The following USH2A variants were observed in gnomAD, a reference collection of about 807,000 sequenced individuals.
The protein encoded by USH2A is Usher syndrome 2A (autosomal recessive, mild).
A neutral mutation model predicts 538.9 loss-of-function variants in USH2A; 443 were observed. The observed-to-expected ratio is 0.82, with a 90% CI of 0.76 to 0.89. The LOEUF is 0.89. Ranked by LOEUF, USH2A falls within the 40% of genes least tolerant of loss-of-function variation. The pLI is 0.00. For synonymous variants in USH2A, 2,413 were observed against 2,273.5 expected (o/e 1.06, Z -1.75); for missense variants, 6,633 against 6,324.8 (o/e 1.05, Z -1.65).
At chr1:216,349,606 G>A (rs1003452071) in intron 4 of USH2A, among the ~76,000 whole-genome samples, 5 of 152,168 alleles carry the variant, frequency 3.3e-5, no homozygotes, top group Admixed American at 3.3e-4. Flanking sequence ...TACCATGACA[G>A]TTTACAAATG....
chr1:216,096,730 C>A (rs1229062171), intron 22 of USH2A, among the ~76,000 whole-genome samples: 1 of 151,904 alleles, frequency 6.6e-6, no homozygotes, highest in Non-Finnish European at 1.5e-5. Flanking sequence ...AAAAGAAAGA[C>A]AGGGAAGGAA....
intron 60 of USH2A, among the ~76,000 whole-genome samples, chr1:215,740,091 A>AG (rs1171887146): frequency 6.6e-6 from 1 of 152,182 alleles, no homozygotes; most frequent in African/African-American, 2.4e-5. Flanking sequence ...GCAAGCCATC[A>AG]GTTGACAGGT....
At chr1:216,169,317 G>A (rs1233319564) in intron 21 of USH2A, among the ~76,000 whole-genome samples, 1 of 151,980 alleles carries the variant, frequency 6.6e-6, no homozygotes, top group Non-Finnish European at 1.5e-5. Context: ...CAGCTTACCA[G>A]TTACCTAACA....
chr1:215,777,829 T>A (rs916439248), intron 55 of USH2A, among the ~76,000 whole-genome samples: 16 of 152,202 alleles, frequency 1.1e-4, no homozygotes, highest in African/African-American at 3.4e-4. Context: ...CTTCTTCATC[T>A]TTCAGATATG....
At chr1:215,843,729 TAA>T (rs1426887728) in intron 46 of USH2A, among the ~76,000 whole-genome samples, 1 of 152,184 alleles carries the variant, frequency 6.6e-6, no homozygotes, top group African/African-American at 2.4e-5. Flanking sequence ...CACCTTCAGA[TAA>T]AACCTTTTAA....
At chr1:216,072,530 T>C (rs1453188881) in intron 29 of USH2A, 1 of 338,742 alleles carries the variant, frequency 3.0e-6, no homozygotes, top group Non-Finnish European at 5.7e-6. Context: ...CCAAGGATAA[T>C]CCTAATCCCT....
intron 19 of USH2A, 88 bp downstream of exon 19, chr1:216,196,465 T>C: frequency 6.8e-7 from 1 of 1,476,024 alleles, no homozygotes; most frequent in Non-Finnish European, 9.4e-7. Context: ...AGAGGGAGAA[T>C]TCTGTCACAG....
chr1:215,926,689 C>T (rs1445473929), intron 38 of USH2A, among the ~76,000 whole-genome samples: 1 of 126,046 alleles, frequency 7.9e-6, no homozygotes, highest in South Asian at 2.6e-4. Flanking sequence ...ACAATCTTGG[C>T]TCTCTGTAAC....
chr1:216,061,835 C>G (rs994381502), intron 30 of USH2A, among the ~76,000 whole-genome samples: 1 of 152,112 alleles, frequency 6.6e-6, no homozygotes, highest in Non-Finnish European at 1.5e-5. Flanking sequence ...AGCAAAATGC[C>G]AGCAAGCTCT....
chr1:215,886,641 G>A (rs1345771249), intron 41 of USH2A: 6 of 152,166 alleles, frequency 3.9e-5, no homozygotes, highest in Admixed American at 2.6e-4. Context: ...TGTGGCCTCA[G>A]GTGAGTGCCT....
chr1:216,298,281 G>T (rs2037144281), intron 9 of USH2A, among the ~76,000 whole-genome samples: 1 of 152,170 alleles, frequency 6.6e-6, no homozygotes, highest in Admixed American at 6.5e-5. Flanking sequence ...TTGGTATATT[G>T]CCTACATGAG....
At chr1:216,195,859 C>G (rs2034829512) in intron 19 of USH2A, 1 of 167,136 alleles carries the variant, frequency 6.0e-6, no homozygotes, top group Non-Finnish European at 1.5e-5. Flanking sequence ...GTAAAATGGG[C>G]AGAGAGGTAT....
chr1:215,653,017 A>G (rs995818032), intron 64 of USH2A, among the ~76,000 whole-genome samples: 3 of 152,216 alleles, frequency 2.0e-5, no homozygotes, highest in Non-Finnish European at 4.4e-5. Context: ...TTGAAAGAAA[A>G]TGAGATGAAA....
At position 216,297,014 on chromosome 1, in the gene USH2A, T is replaced by G. The variant is rs538316902; in HGVS notation, c.1645-4644A>C. On this transcript the variant is annotated intron_variant, in intron 9 of 71. Coordinates refer to ENST00000307340, the MANE Select transcript of USH2A (RefSeq NM_206933.4). ...TGAGTATACTCTCATCAAATGAGAG[T>G]ATACTCTGGTTACTATATTAAACAT... Among the ~76,000 whole-genome samples, 9 of 151,734 alleles carry G rather than the reference T, an allele frequency of 5.9e-5. No individual in the cohort carries two copies. In the South Asian group the frequency reaches 1.9e-3, roughly 32 times the overall value.
intron 38 of USH2A, among the ~76,000 whole-genome samples, chr1:215,913,569 T>C (rs1665867824): frequency 6.6e-6 from 1 of 152,054 alleles, no homozygotes; most frequent in African/African-American, 2.4e-5. Flanking sequence ...ACGAAGGAGA[T>C]GGGGAATCAC....
At chr1:216,135,876 T>C (rs1006130337) in intron 21 of USH2A, among the ~76,000 whole-genome samples, 10 of 152,132 alleles carry the variant, frequency 6.6e-5, no homozygotes, top group Admixed American at 6.6e-4. Flanking sequence ...ATTGATTTGC[T>C]TGGATATTGA....
chr1:216,376,081 A>G (rs2038813784), intron 3 of USH2A, among the ~76,000 whole-genome samples: 1 of 152,170 alleles, frequency 6.6e-6, no homozygotes, highest in Non-Finnish European at 1.5e-5. Context: ...TAATGATTGG[A>G]AAAAAATTTA....
chr1:216,230,816 G>T (rs2035661339), intron 14 of USH2A, among the ~76,000 whole-genome samples: 1 of 151,058 alleles, frequency 6.6e-6, no homozygotes, highest in African/African-American at 2.4e-5. Flanking sequence ...AGCTTCTCAG[G>T]GATAGGAGCT....
chr1:216,145,878 C>A (rs975928317), intron 21 of USH2A, among the ~76,000 whole-genome samples: 4 of 152,000 alleles, frequency 2.6e-5, no homozygotes, highest in Non-Finnish European at 4.4e-5. Context: ...AGAGAACAAA[C>A]CCCCTTTGAC....
Sources: gnomAD v4.1 joint callset for allele counts (sites outside exome capture counted in the v4.1 genomes callset) on GRCh38, gnomAD v4.1.1 for gene constraint, MANE v1.5 for transcripts, NCBI Gene and HGNC (gene_info 2026-07-23, HGNC 2026-07-21) for gene names.